The following DCTN4 variants were observed in gnomAD, a reference collection of about 807,000 sequenced individuals.
The protein encoded by DCTN4 is dynactin 4 (p62).
Under a neutral mutation model 62.7 loss-of-function variants are expected in DCTN4, and 23 were observed. That is an observed-to-expected ratio of 0.37 (90% CI 0.26 to 0.52). The LOEUF (loss-of-function observed/expected upper bound fraction) is 0.52. Ranked by LOEUF, DCTN4 falls within the 20% of genes least tolerant of loss-of-function variation. The probability of loss-of-function intolerance (pLI) is 0.92; values close to 1 mark genes in which losing one functional copy is unlikely to be tolerated. For missense variants in DCTN4, 514 were observed against 580.4 expected, an observed-to-expected ratio of 0.89 and a Z score of 1.18; for synonymous variants, 199 against 202.1, an observed-to-expected ratio of 0.98 and a Z score of 0.13.
intron 3 of DCTN4, among the ~76,000 whole-genome samples, chr5:150,746,966 G>A (rs1191387846): frequency 6.6e-6 from 1 of 152,064 alleles, no homozygotes; most frequent in African/African-American, 2.4e-5. Flanking sequence ...AGGAAATAAA[G>A]GGTATTCAAT....
At chr5:150,747,373 T>C (rs1449759274) in intron 3 of DCTN4, among the ~76,000 whole-genome samples, 2 of 152,208 alleles carry the variant, frequency 1.3e-5, no homozygotes, top group South Asian at 2.1e-4. Flanking sequence ...CCCAAGGTAA[T>C]TGATAGATTC....
chr5:150,731,544 AT>A, intron 5 of DCTN4, 55 bp from the exon 6 acceptor site: 1 of 1,417,652 alleles, frequency 7.1e-7, no homozygotes, highest in Admixed American at 1.9e-5. Flanking sequence ...CACCCTATTT[AT>A]CAAAAGAAAG....
intron 5 of DCTN4, among the ~76,000 whole-genome samples, chr5:150,733,073 G>T (rs543233375): frequency 6.6e-6 from 1 of 152,162 alleles, no homozygotes; most frequent in Non-Finnish European, 1.5e-5. Flanking sequence ...ATACACAAAA[G>T]CTGTACGTGG....
intron 8 of DCTN4, among the ~76,000 whole-genome samples, chr5:150,726,796 C>A (rs1030774054): frequency 3.3e-5 from 5 of 152,152 alleles, no homozygotes; most frequent in African/African-American, 1.2e-4. Context: ...AGTTTTGCAG[C>A]ACTCTAAACT....
At chr5:150,720,226 C>A (rs1759909376) in intron 9 of DCTN4, among the ~76,000 whole-genome samples, 2 of 152,134 alleles carry the variant, frequency 1.3e-5, no homozygotes, top group Non-Finnish European at 2.9e-5. Context: ...AATACGAAAT[C>A]TATTGCAGAA....
intron 9 of DCTN4, among the ~76,000 whole-genome samples, chr5:150,720,755 A>G (rs962627573): frequency 6.6e-6 from 1 of 152,216 alleles, no homozygotes; most frequent in African/African-American, 2.4e-5. Flanking sequence ...TTGAGATTAC[A>G]GGCATGAGCC....
At chr5:150,749,028 T>G (rs1243921714) in intron 3 of DCTN4, among the ~76,000 whole-genome samples, 1 of 152,070 alleles carries the variant, frequency 6.6e-6, no homozygotes, top group African/African-American at 2.4e-5. Context: ...TGGGTAGATC[T>G]TAGTGACACT....
chr5:150,758,050 C>T, intron 1 of DCTN4: 1 of 967,862 alleles, frequency 1.0e-6, no homozygotes, highest in Non-Finnish European at 1.2e-6. Flanking sequence ...GCAACTATTA[C>T]TACTATCAGC....
At chr5:150,732,159 AT>A (rs1053993976) in intron 5 of DCTN4, among the ~76,000 whole-genome samples, 4 of 151,882 alleles carry the variant, frequency 2.6e-5, no homozygotes, top group African/African-American at 9.7e-5. Context: ...TCTAATCTAG[AT>A]TTTTTTTGAG....
chr5:150,715,325 A>G (rs955954735), intron 12 of DCTN4, among the ~76,000 whole-genome samples: 1 of 152,226 alleles, frequency 6.6e-6, no homozygotes, highest in African/African-American at 2.4e-5. Flanking sequence ...GATCCCAATG[A>G]GGTGAGAAAT....
At chr5:150,734,612 T>C (rs1433481717) in intron 4 of DCTN4, 2 of 152,324 alleles carry the variant, frequency 1.3e-5, no homozygotes, top group East Asian at 1.9e-4. Flanking sequence ...TGTAATAACT[T>C]TGACGGAGAG....
chr5:150,744,947 C>T (rs1309337049), intron 3 of DCTN4, among the ~76,000 whole-genome samples: 1 of 151,156 alleles, frequency 6.6e-6, no homozygotes, highest in East Asian at 2.0e-4. Context: ...ACAATATTAA[C>T]TTTAAATGTT....
chr5:150,730,732 G>C lies in DCTN4; in HGVS notation c.733C>G (p.Leu245Val), dbSNP rs199740299. 6.2e-7 allele frequency: 1 copy of C among 1,613,724 alleles called. No individual in the cohort carries two copies. The highest frequency in any genetic ancestry group is 8.5e-7 in the Non-Finnish European group (1 of 1,179,914). The change falls in exon 8 of 13, where the codon CTT becomes GTT. Residue 245 changes from leucine to valine, a missense_variant. Physicochemically the swap from Leu to Val is conservative, Grantham distance 32 (BLOSUM62 1). Coordinates refer to ENST00000447998, the MANE Select transcript of DCTN4 (RefSeq NM_016221.4). ...RPVNLTEVTT[L>V]QQRLLQPDFQ... The stretch of plus-strand genomic sequence containing the variant: ...TCAGGCTGTAACAGACGCTGCTGAA[G>C]GGTTGTTACTAGAAAGAAAGGCAGA...
chr5:150,744,206 T>C (rs1395556334), intron 3 of DCTN4, among the ~76,000 whole-genome samples: 1 of 151,526 alleles, frequency 6.6e-6, no homozygotes, highest in Admixed American at 6.6e-5. Context: ...GAAGATGAAA[T>C]GAATGAAATG....
At chr5:150,742,378 T>A (rs1219936040) in intron 3 of DCTN4, among the ~76,000 whole-genome samples, 1 of 152,216 alleles carries the variant, frequency 6.6e-6, no homozygotes, top group Non-Finnish European at 1.5e-5. Context: ...GCCAGGCACT[T>A]GAAATGTATT....
chr5:150,752,992 G>A (rs991393951), intron 3 of DCTN4, among the ~76,000 whole-genome samples: 9 of 151,646 alleles, frequency 5.9e-5, no homozygotes, highest in Non-Finnish European at 1.3e-4. Flanking sequence ...TCAGCCTCCC[G>A]AGTAGCTGGG....
At chr5:150,747,760 C>A (rs1399394091) in intron 3 of DCTN4, among the ~76,000 whole-genome samples, 2 of 149,380 alleles carry the variant, frequency 1.3e-5, no homozygotes, top group Non-Finnish European at 3.0e-5. Flanking sequence ...AAACTGGATC[C>A]CTTCCTTACA....
At chr5:150,723,856 T>C (rs1004678313) in intron 8 of DCTN4, among the ~76,000 whole-genome samples, 4 of 152,232 alleles carry the variant, frequency 2.6e-5, no homozygotes, top group Non-Finnish European at 4.4e-5. Context: ...TCTTGCTTTT[T>C]TCATTTATTC....
At chr5:150,739,100 G>C (rs541840443) in intron 4 of DCTN4, among the ~76,000 whole-genome samples, 2 of 151,388 alleles carry the variant, frequency 1.3e-5, no homozygotes, top group African/African-American at 4.9e-5. Context: ...AGAATCGCTG[G>C]AACTTGAGAG....
Sources: gnomAD v4.1 joint callset for allele counts (sites outside exome capture counted in the v4.1 genomes callset) on GRCh38, gnomAD v4.1.1 for gene constraint, MANE v1.5 for transcripts, NCBI Gene and HGNC (gene_info 2026-07-23, HGNC 2026-07-21) for gene names.